The following RPS6KC1 variants were observed in gnomAD, a reference collection of about 807,000 sequenced individuals.
RPS6KC1 encodes inactive ribosomal protein S6 kinase delta-1.
In RPS6KC1, 54 loss-of-function variants were observed where a neutral mutation model predicts 103.8. The observed-to-expected ratio is 0.52, with a 90% CI of 0.42 to 0.65. RPS6KC1 has a LOEUF of 0.65. Ranked by LOEUF, RPS6KC1 falls within the 30% of genes least tolerant of loss-of-function variation. The pLI is 0.00. For missense variants in RPS6KC1, 1,151 were observed against 1,253.8 expected (o/e 0.92, Z 1.24); for synonymous variants, 439 against 438.7 (o/e 1.00, Z -0.01).
intron 3 of RPS6KC1, among the ~76,000 whole-genome samples, chr1:213,100,235 T>A (rs1409721099): frequency 6.6e-6 from 1 of 152,124 alleles, no homozygotes; most frequent in African/African-American, 2.4e-5. Flanking sequence ...TTTTTTCACA[T>A]GCTTATTAGC....
At chr1:213,471,944 G>A in the RPS6KC1 span, among the ~76,000 whole-genome samples, 4 of 152,106 alleles carry the variant, frequency 2.6e-5, no homozygotes, top group African/African-American at 9.7e-5. Flanking sequence ...ACCCTGAACT[G>A]GCTCTGCTCT....
At chr1:213,337,753 C>A in the RPS6KC1 span, among the ~76,000 whole-genome samples, 1 of 152,010 alleles carries the variant, frequency 6.6e-6, no homozygotes, top group Non-Finnish European at 1.5e-5. Context: ...TGCTGTGTAC[C>A]AGGTATATAT....
At chr1:213,181,330 T>C (rs1248882124) in intron 8 of RPS6KC1, among the ~76,000 whole-genome samples, 2 of 152,250 alleles carry the variant, frequency 1.3e-5, no homozygotes, top group Non-Finnish European at 2.9e-5. Context: ...GCCACACACT[T>C]TGTAAGTCTA....
the RPS6KC1 span, among the ~76,000 whole-genome samples, chr1:213,855,861 T>C: frequency 6.6e-6 from 1 of 152,202 alleles, no homozygotes; most frequent in South Asian, 2.1e-4. Context: ...TCCATCCCAG[T>C]GTGATTTTCC....
chr1:213,816,019 GAGAGAA>G, the RPS6KC1 span, among the ~76,000 whole-genome samples: 1 of 152,180 alleles, frequency 6.6e-6, no homozygotes, highest in Non-Finnish European at 1.5e-5. Context: ...AGCCAGAGGA[GAGAGAA>G]AGAGACAGGG....
At chr1:213,468,961 C>A in the RPS6KC1 span, among the ~76,000 whole-genome samples, 1 of 152,174 alleles carries the variant, frequency 6.6e-6, no homozygotes, top group African/African-American at 2.4e-5. Flanking sequence ...CACTCCTTCT[C>A]TTCTAGGTCT....
chr1:213,190,195 G>A (rs1023520996), intron 8 of RPS6KC1, among the ~76,000 whole-genome samples: 12 of 152,100 alleles, frequency 7.9e-5, no homozygotes, highest in Non-Finnish European at 1.6e-4. Flanking sequence ...GGAGGGTAAG[G>A]TAGCTCTATT....
intron 6 of RPS6KC1, among the ~76,000 whole-genome samples, chr1:213,154,812 C>G (rs1200616647): frequency 6.6e-6 from 1 of 152,172 alleles, no homozygotes; most frequent in East Asian, 1.9e-4. Context: ...CTGCTTTTCT[C>G]AAGCAGAAGG....
chr1:213,369,731 G>A, the RPS6KC1 span, among the ~76,000 whole-genome samples: 1 of 152,236 alleles, frequency 6.6e-6, no homozygotes, highest in African/African-American at 2.4e-5. Flanking sequence ...GCTCCCCTAG[G>A]CAGCTGGTGT....
At chr1:213,259,215 A>G (rs766750917) in intron 12 of RPS6KC1, among the ~76,000 whole-genome samples, 8 of 152,210 alleles carry the variant, frequency 5.3e-5, no homozygotes, top group Admixed American at 2.0e-4. Flanking sequence ...ATCTTGCTGT[A>G]CTTTAAAAAT....
At position 213,231,231 on chromosome 1, in the gene RPS6KC1, A is replaced by G. The variant is rs79129398; in HGVS notation, c.1092+687A>G. On this transcript the variant is annotated intron_variant, in intron 9 of 14. Coordinates refer to ENST00000366960, the MANE Select transcript of RPS6KC1 (RefSeq NM_012424.6). ...CACAGTCTCACCTTCGATTATCACT[A>G]CAGTTCTTAAGAGCTAAAATTTTGC... is the stretch of plus-strand genomic sequence containing the variant. 9.2e-3 allele frequency among the ~76,000 whole-genome samples: 1,405 copies of G among 152,342 alleles called. 43 individuals carry two copies. The highest frequency in any genetic ancestry group is 0.071 in the East Asian group (366 of 5,182).
At chr1:213,151,503 C>T (rs1442004339) in intron 6 of RPS6KC1, among the ~76,000 whole-genome samples, 1 of 116,834 alleles carries the variant, frequency 8.6e-6, no homozygotes, top group African/African-American at 3.5e-5. Flanking sequence ...CCGGACGGGG[C>T]GGCTGGACGG....
intron 1 of RPS6KC1, among the ~76,000 whole-genome samples, chr1:213,069,798 A>G (rs918520036): frequency 6.6e-6 from 1 of 152,264 alleles, no homozygotes; most frequent in Non-Finnish European, 1.5e-5. Flanking sequence ...AAAATACACC[A>G]TTGTAGCTTC....
At chr1:213,308,168 G>C in the RPS6KC1 span, among the ~76,000 whole-genome samples, 1 of 151,976 alleles carries the variant, frequency 6.6e-6, no homozygotes, top group South Asian at 2.1e-4. Flanking sequence ...AAAAAAATGA[G>C]CTGGATGTGG....
In RPS6KC1 at chr1:213,071,035, C is replaced by T; in HGVS notation, c.135C>T (p.Val45=). The change falls in exon 2 of 15, where the codon GTC becomes GTT. Residue 45 remains valine (V), a synonymous_variant. Coordinates refer to ENST00000366960, the MANE Select transcript of RPS6KC1 (RefSeq NM_012424.6). Reference sequence around the variant, plus strand: ...TTTCACGAAGAAATCCAGAGGATGTCCAGGAGGTAACATTTATATGAAGAT... The same window carrying T: ...TTTCACGAAGAAATCCAGAGGATGTTCAGGAGGTAACATTTATATGAAGAT... ...RVVSRRNPED[V]QEIIVWKRYS... 2 of 1,536,008 alleles carry T rather than the reference C, an allele frequency of 1.3e-6. No homozygotes were observed.
chr1:213,709,255 G>A, the RPS6KC1 span, among the ~76,000 whole-genome samples: 27 of 152,112 alleles, frequency 1.8e-4, no homozygotes, highest in African/African-American at 5.3e-4. Context: ...TCGGGGATTC[G>A]ACTTCTTCCT....
the RPS6KC1 span, among the ~76,000 whole-genome samples, chr1:213,612,629 T>G: frequency 6.6e-6 from 1 of 152,380 alleles, no homozygotes; most frequent in South Asian, 2.1e-4. Context: ...GAGTCAATAC[T>G]GTTTGAATCT....
the RPS6KC1 span, among the ~76,000 whole-genome samples, chr1:213,392,712 C>T: frequency 6.6e-6 from 1 of 152,350 alleles, no homozygotes; most frequent in South Asian, 2.1e-4. Flanking sequence ...TATGTGAGTA[C>T]TGCACATGTG....
intron 4 of RPS6KC1, among the ~76,000 whole-genome samples, chr1:213,109,565 TC>T (rs770913881): frequency 1.9e-4 from 29 of 152,358 alleles, no homozygotes; most frequent in Non-Finnish European, 4.0e-4. Flanking sequence ...TGTTTTTTTT[TC>T]CATGTAGTAT....
Sources: gnomAD v4.1 joint callset for allele counts (sites outside exome capture counted in the v4.1 genomes callset) on GRCh38, gnomAD v4.1.1 for gene constraint, MANE v1.5 for transcripts, NCBI Gene and HGNC (gene_info 2026-07-23, HGNC 2026-07-21) for gene names.